Variants in SORCS1 observed in about 807,000 individuals in gnomAD.
The protein encoded by SORCS1 is VPS10 domain-containing receptor SorCS1.
A neutral mutation model predicts 146.1 loss-of-function variants in SORCS1; 60 were observed. The ratio of observed to expected loss-of-function variants is 0.41; its 90% CI spans 0.33 to 0.51. SORCS1 has a LOEUF of 0.51. Among genes scored for constraint, SORCS1 ranks in the 20% least tolerant of loss-of-function variants. The pLI, the probability that SORCS1 is intolerant of heterozygous loss-of-function variation, is 0.21. For missense variants in SORCS1, 1,352 were observed against 1,487.6 expected (o/e 0.91, Z 1.50); for synonymous variants, 637 against 584.0 (o/e 1.09, Z -1.31).
intron 1 of SORCS1, among the ~76,000 whole-genome samples, chr10:107,061,430 TAA>T (rs1205241716): frequency 2.0e-5 from 3 of 152,174 alleles, no homozygotes; most frequent in Admixed American, 1.3e-4. Flanking sequence ...TATTTTGTAG[TAA>T]AAGAGATAAT....
chr10:107,007,215 T>C (rs995926641), intron 1 of SORCS1, among the ~76,000 whole-genome samples: 7 of 152,240 alleles, frequency 4.6e-5, no homozygotes, highest in Non-Finnish European at 8.8e-5. Context: ...TTTGGCCTCC[T>C]CCCAAGGCAG....
At chr10:107,167,232 G>T (rs1021908954), upstream of SORCS1, among the ~76,000 whole-genome samples, 1 of 152,106 alleles carries the variant, frequency 6.6e-6, no homozygotes, top group Non-Finnish European at 1.5e-5. Flanking sequence ...AAACAGAAGC[G>T]GAAAGTACCA....
rs375317315 is a variant in SORCS1, at chr10:107,158,417, C to T, written c.558+5552G>A. On this transcript the variant is annotated intron_variant, in intron 1 of 25. Transcript: ENST00000263054. ...TCCCTTGACCTTTGGTTATGACATCCATTCAGCTAAAAATATCCTTGTAAT... is the reference window on the plus strand; with the variant it reads ...TCCCTTGACCTTTGGTTATGACATCTATTCAGCTAAAAATATCCTTGTAAT... Among the ~76,000 whole-genome samples the T allele has an allele frequency of 1.6e-4, 25 of 152,294 alleles. No homozygotes were observed. The East Asian group carries it at 2.7e-3, about 16-fold the overall frequency.
chr10:106,651,657 G>A (rs1028293353), intron 18 of SORCS1, among the ~76,000 whole-genome samples: 16 of 152,160 alleles, frequency 1.1e-4, no homozygotes, highest in African/African-American at 3.6e-4. Context: ...CCCAGAAAAC[G>A]TGACTGAGGA....
At chr10:106,623,300 C>A (rs188331129) in intron 19 of SORCS1, among the ~76,000 whole-genome samples, 337 of 146,834 alleles carry the variant, frequency 2.3e-3, no homozygotes, top group African/African-American at 8.2e-3. Context: ...TGGAGTGCAG[C>A]GGCACGATCT....
At chr10:106,647,680 G>C (rs1001098181) in intron 18 of SORCS1, among the ~76,000 whole-genome samples, 1 of 152,112 alleles carries the variant, frequency 6.6e-6, no homozygotes, top group Admixed American at 6.6e-5. Context: ...ACCTGAAAGA[G>C]CTTTATTCAA....
At chr10:106,771,710 G>A (rs773499763) in intron 4 of SORCS1, among the ~76,000 whole-genome samples, 5 of 152,186 alleles carry the variant, frequency 3.3e-5, no homozygotes, top group African/African-American at 1.2e-4. Flanking sequence ...TAGACACCAA[G>A]TAGCCCCCTG....
In SORCS1 at chr10:106,872,368, G is replaced by A. The variant is rs1045342560; in HGVS notation, c.627-42695C>T. On this transcript the variant is annotated intron_variant, in intron 2 of 25. Coordinates refer to ENST00000263054, the MANE Select transcript of SORCS1 (RefSeq NM_052918.5). The stretch of plus-strand genomic sequence containing the variant: ...TTATGACCAGGTGGTGAGCATATTT[G>A]AGGCAAAGTCTGTAGCTGAGGAAGA... Among the ~76,000 whole-genome samples, 4 of 152,208 alleles carry A rather than the reference G, an allele frequency of 2.6e-5. No individual in the cohort carries two copies. In the East Asian group the frequency reaches 7.7e-4, roughly 29 times the overall value.
At chr10:106,734,256 C>T (rs1235347162) in intron 5 of SORCS1, among the ~76,000 whole-genome samples, 1 of 152,092 alleles carries the variant, frequency 6.6e-6, no homozygotes, top group East Asian at 1.9e-4. Context: ...TTTCTGTGTA[C>T]ATCCTGGTGT....
chr10:106,844,969 T>C (rs1448077010), intron 2 of SORCS1, among the ~76,000 whole-genome samples: 1 of 146,084 alleles, frequency 6.8e-6, no homozygotes, highest in Non-Finnish European at 1.5e-5. Flanking sequence ...ATTTTCTTAA[T>C]CCAGTCTATC....
chr10:107,057,779 C>T (rs1383412465), intron 1 of SORCS1, among the ~76,000 whole-genome samples: 1 of 152,182 alleles, frequency 6.6e-6, no homozygotes, highest in Admixed American at 6.5e-5. Context: ...AACAACCTTC[C>T]TATAGTGGAA....
intron 1 of SORCS1, among the ~76,000 whole-genome samples, chr10:107,043,208 G>T (rs1395490283): frequency 3.3e-5 from 5 of 152,140 alleles, no homozygotes; most frequent in African/African-American, 1.2e-4. Context: ...CAGTCATTAA[G>T]ATCTAGGCTG....
rs76041033 is a variant in SORCS1, at chr10:106,573,841, C to A, written c.*3579G>T. 1.3e-5 allele frequency: 2 copies of A among 151,966 alleles called. No individual in the cohort carries two copies. Among genetic ancestry groups the A allele is most frequent in the African/African-American group, 4.9e-5 (2 of 41,172 alleles). 9.4% of individuals were successfully genotyped at this position (151,966 alleles called of 1,614,324 possible). A position where few individuals can be genotyped will look rare whatever the true frequency, so the allele number is the denominator to read the frequency against. On this transcript the variant is annotated 3_prime_UTR_variant, in exon 26 of 26. Transcript: ENST00000263054. ...TTTATGAAATCCTATACATGCAACA[C>A]TTCTATATTTAGAATGAACACCAAG...
chr10:106,829,190 T>C (rs183083636), intron 3 of SORCS1, among the ~76,000 whole-genome samples: 15 of 152,362 alleles, frequency 9.8e-5, no homozygotes, highest in Admixed American at 9.1e-4. Context: ...GTTAATCTAT[T>C]TGTTCCATGT....
chr10:106,716,496 C>T (rs1855382753), intron 6 of SORCS1, among the ~76,000 whole-genome samples: 1 of 152,202 alleles, frequency 6.6e-6, no homozygotes, highest in Admixed American at 6.5e-5. Context: ...TTCCTTCCCA[C>T]TGCTGCCAAA....
At chr10:106,611,878 A>G (rs1256930111) in intron 22 of SORCS1, 33 bp downstream of exon 22, 3 of 1,484,418 alleles carry the variant, frequency 2.0e-6, no homozygotes, top group Non-Finnish European at 2.8e-6. Context: ...GAGAAAAGGT[A>G]CCCGGGCAAG....
the SORCS1 span, among the ~76,000 whole-genome samples, chr10:107,180,568 A>G: frequency 6.6e-6 from 1 of 151,946 alleles, no homozygotes; most frequent in African/African-American, 2.4e-5. Context: ...TATATTTTCA[A>G]AGAACCAGCT....
chr10:107,006,717 T>G lies in SORCS1; in HGVS notation c.559-50137A>C, dbSNP rs980749952. Among the ~76,000 whole-genome samples the G allele has an allele frequency of 2.0e-5, 3 of 152,142 alleles. No individual in the cohort carries two copies. The East Asian group carries it at 5.8e-4, about 29-fold the overall frequency. On this transcript the variant is annotated intron_variant, in intron 1 of 25. Transcript: ENST00000263054. The stretch of plus-strand genomic sequence containing the variant: ...CTGTAGTCCCAGCTACTCAGGAGGC[T>G]GAGGCAGGAGAACGGCGTGAACCTG...
intron 24 of SORCS1, among the ~76,000 whole-genome samples, chr10:106,584,250 A>G (rs184654263): frequency 3.6e-4 from 55 of 152,342 alleles, no homozygotes; most frequent in African/African-American, 1.2e-3. Flanking sequence ...CAGTTGTCCA[A>G]TGGGCCTTCC....
Sources: allele counts gnomAD v4.1 joint callset (sites outside exome capture counted in the v4.1 genomes callset), GRCh38; gene constraint gnomAD v4.1.1; transcripts MANE v1.5; gene names NCBI Gene and HGNC (gene_info 2026-07-23, HGNC 2026-07-21).